CDH4: variants seen among roughly 807,000 people sequenced by gnomAD.
CDH4 encodes the protein cadherin 4.
A neutral mutation model predicts 86.0 loss-of-function variants in CDH4; 33 were observed. The observed-to-expected ratio is 0.38, with a 90% CI of 0.29 to 0.51. The LOEUF (loss-of-function observed/expected upper bound fraction) is 0.51, where lower values mean the gene tolerates loss of function less well. Ranked by LOEUF, CDH4 falls within the 20% of genes least tolerant of loss-of-function variation. The probability of loss-of-function intolerance (pLI) is 0.86; values close to 1 mark genes in which losing one functional copy is unlikely to be tolerated. For missense variants in CDH4, 1,114 were observed against 1,307.4 expected, an observed-to-expected ratio of 0.85 and a Z score of 2.28; for synonymous variants, 555 against 549.4, an observed-to-expected ratio of 1.01 and a Z score of -0.14.
chr20:61,539,871 G>A (rs546873640), intron 2 of CDH4, among the ~76,000 whole-genome samples: 6 of 152,352 alleles, frequency 3.9e-5, no homozygotes, highest in East Asian at 1.9e-4. Flanking sequence ...GGGTCTTGCC[G>A]AGTGGATCTC....
intron 2 of CDH4, among the ~76,000 whole-genome samples, chr20:61,660,580 C>T (rs1472655695): frequency 6.6e-6 from 1 of 152,148 alleles, no homozygotes; most frequent in East Asian, 1.9e-4. Context: ...ATTGTGTTTG[C>T]AGCTCAGGAG....
At chr20:61,757,237 C>A in intron 3 of CDH4, among the ~76,000 whole-genome samples, 1 of 152,052 alleles carries the variant, frequency 6.6e-6, no homozygotes, top group Admixed American at 6.6e-5. Flanking sequence ...ACACAGACCC[C>A]CCCCCCAGCC....
chr20:61,275,550 G>A (rs1158216284), intron 2 of CDH4, among the ~76,000 whole-genome samples: 6 of 128,570 alleles, frequency 4.7e-5, no homozygotes, highest in Non-Finnish European at 8.0e-5. Context: ...AGTACCCTGC[G>A]CAGTTTGGGG....
chr20:61,335,735 G>A (rs758109919), intron 2 of CDH4, among the ~76,000 whole-genome samples: 8 of 152,150 alleles, frequency 5.3e-5, no homozygotes, highest in Non-Finnish European at 8.8e-5. Flanking sequence ...TCCCTGGCTC[G>A]GGTGCCGAAG....
intron 14 of CDH4, among the ~76,000 whole-genome samples, chr20:61,933,540 C>T (rs376938904): frequency 6.6e-6 from 1 of 152,206 alleles, no homozygotes; most frequent in African/African-American, 2.4e-5. Flanking sequence ...CTGAGTCTAC[C>T]CTTGGCCTTT....
intron 2 of CDH4, among the ~76,000 whole-genome samples, chr20:61,341,023 G>A (rs931846430): frequency 6.6e-5 from 10 of 152,162 alleles, no homozygotes; most frequent in Admixed American, 2.6e-4. Context: ...CAGCCTTGCC[G>A]TCCGCTACAC....
At chr20:61,661,087 G>GC (rs1555821298) in intron 2 of CDH4, among the ~76,000 whole-genome samples, 1 of 141,738 alleles carries the variant, frequency 7.1e-6, no homozygotes, top group African/African-American at 2.8e-5. Flanking sequence ...GGCATGGCGG[G>GC]GGGGGGGGAG....
At position 61,490,466 on chromosome 20, in the gene CDH4, C is replaced by T. The variant is rs180800692; in HGVS notation, c.169+235529C>T. On this transcript the variant is annotated intron_variant, in intron 2 of 15. Coordinates refer to ENST00000614565, the MANE Select transcript of CDH4 (RefSeq NM_001794.5). ...CTGTAATGCCAGCACTTTGGGAGGC[C>T]GAGGCAGGTGGATCATGAGGTCAGG... is the stretch of plus-strand genomic sequence containing the variant. Among the ~76,000 whole-genome samples the T allele has an allele frequency of 7.2e-5, 11 of 152,178 alleles. No individual in the cohort carries two copies. The East Asian group carries it at 2.1e-3, about 29-fold the overall frequency.
chr20:61,553,363 T>C (rs2086149162), intron 2 of CDH4, among the ~76,000 whole-genome samples: 1 of 152,258 alleles, frequency 6.6e-6, no homozygotes. Context: ...AAAGTGAAGA[T>C]GGTCGTGCAA....
intron 6 of CDH4, among the ~76,000 whole-genome samples, chr20:61,853,220 G>A (rs1275842499): frequency 6.6e-6 from 1 of 152,122 alleles, no homozygotes; most frequent in Non-Finnish European, 1.5e-5. Flanking sequence ...CGTGTGGGCT[G>A]GGAGCTGAAG....
intron 2 of CDH4, among the ~76,000 whole-genome samples, chr20:61,593,503 C>T (rs541341506): frequency 6.6e-6 from 1 of 152,354 alleles, no homozygotes; most frequent in Admixed American, 6.5e-5. Flanking sequence ...CACATCCTCA[C>T]CAACACTTGC....
intron 7 of CDH4, among the ~76,000 whole-genome samples, chr20:61,889,077 T>G (rs377229069): frequency 6.6e-6 from 1 of 152,230 alleles, no homozygotes; most frequent in East Asian, 1.9e-4. Context: ...ACCTCATACC[T>G]CCTGCCCCAG....
Position 61,708,418 on chromosome 20 carries a change from C to T in CDH4, c.170-35145C>T, listed in dbSNP as rs1478998079. 3.9e-4 allele frequency among the ~76,000 whole-genome samples: 59 copies of T among 152,080 alleles called. 1 individual carries two copies. The highest frequency in any genetic ancestry group is 2.9e-5 in the Non-Finnish European group (2 of 67,994). On this transcript the variant is annotated intron_variant, in intron 2 of 15. Transcript: ENST00000614565. The surrounding 1 kb of genome is among the most constrained non-coding windows in gnomAD (Gnocchi z 4.5). ...CCTCAGTCTGGGTCACAGACACAGG[C>T]TTCCCAGCCAGGGCGACTGCAGCAT...
chr20:61,643,702 C>T (rs2087034053), intron 2 of CDH4, among the ~76,000 whole-genome samples: 2 of 152,238 alleles, frequency 1.3e-5, no homozygotes, highest in African/African-American at 4.8e-5. Context: ...GCCACGGTGG[C>T]TCTTCTTTGA....
chr20:61,763,847 A>G (rs1486118639), intron 3 of CDH4, among the ~76,000 whole-genome samples: 3 of 152,236 alleles, frequency 2.0e-5, no homozygotes, highest in Non-Finnish European at 4.4e-5. Flanking sequence ...AATAAAAAAT[A>G]TAACAAATGA....
At chr20:61,562,616 C>T (rs565562654) in intron 2 of CDH4, among the ~76,000 whole-genome samples, 6 of 152,334 alleles carry the variant, frequency 3.9e-5, no homozygotes, top group Admixed American at 3.9e-4. Context: ...GCTGCCAGGC[C>T]TGCAGAGCAG....
intron 4 of CDH4, among the ~76,000 whole-genome samples, chr20:61,844,362 C>T (rs1476121649): frequency 6.6e-6 from 1 of 151,830 alleles, no homozygotes; most frequent in Non-Finnish European, 1.5e-5. Context: ...AACACGAGGC[C>T]ATTTTATACC....
chr20:61,641,681 T>C (rs112942150), intron 2 of CDH4, among the ~76,000 whole-genome samples: 22 of 84,538 alleles, frequency 2.6e-4, no homozygotes, highest in African/African-American at 1.1e-3. Flanking sequence ...CAGATGGGGC[T>C]GCCTGACCCA....
intron 2 of CDH4, among the ~76,000 whole-genome samples, chr20:61,422,292 T>C (rs993151202): frequency 5.3e-5 from 7 of 131,806 alleles, no homozygotes. Flanking sequence ...GGCGTGGTAG[T>C]GCATGCCTGT....
Sources: gnomAD v4.1 joint callset for allele counts (sites outside exome capture counted in the v4.1 genomes callset) on GRCh38, gnomAD v4.1.1 for gene constraint, Gnocchi (gnomAD v3.1) non-coding constraint, MANE v1.5 for transcripts, NCBI Gene and HGNC (gene_info 2026-07-23, HGNC 2026-07-21) for gene names.